ENTREP2: variants seen among roughly 807,000 people sequenced by gnomAD.
ENTREP2 encodes the protein protein ENTREP2.
At chr15:29,122,681 C>T in the ENTREP2 span, 28,397 of 152,184 alleles carry the variant, frequency 0.19, 4,391 homozygotes, top group African/African-American at 0.4. Flanking sequence ...TCCTCCAACC[C>T]CCGCAACACC....
the ENTREP2 span, among the ~76,000 whole-genome samples, chr15:29,418,767 A>T: frequency 6.6e-6 from 1 of 152,294 alleles, no homozygotes; most frequent in South Asian, 2.1e-4. Context: ...TAAACTCTGA[A>T]GCTTCTTTTA....
chr15:29,403,470 T>C, the ENTREP2 span, among the ~76,000 whole-genome samples: 2 of 152,198 alleles, frequency 1.3e-5, no homozygotes, highest in Non-Finnish European at 2.9e-5. Flanking sequence ...AGAACATTAA[T>C]TCCATTAAAA....
At chr15:29,338,481 C>T in the ENTREP2 span, among the ~76,000 whole-genome samples, 42 of 151,882 alleles carry the variant, frequency 2.8e-4, no homozygotes, top group Non-Finnish European at 4.3e-4. Context: ...CAGATGGCCA[C>T]GTGGAGAGGT....
the ENTREP2 span, among the ~76,000 whole-genome samples, chr15:29,451,721 C>G: frequency 6.6e-6 from 1 of 152,272 alleles, no homozygotes; most frequent in Admixed American, 6.5e-5. Flanking sequence ...AGGGCTCCCT[C>G]GAGGGGCCAC....
At chr15:29,417,882 A>G in the ENTREP2 span, among the ~76,000 whole-genome samples, 1 of 152,168 alleles carries the variant, frequency 6.6e-6, no homozygotes, top group Non-Finnish European at 1.5e-5. Flanking sequence ...AAAACTCTAC[A>G]GTTCTGTTTT....
the ENTREP2 span, among the ~76,000 whole-genome samples, chr15:29,574,600 T>C: frequency 6.6e-6 from 1 of 152,170 alleles, no homozygotes; most frequent in Non-Finnish European, 1.5e-5. Flanking sequence ...GCCAAGACCA[T>C]TGTTCTTAAG....
chr15:29,240,053 A>C, the ENTREP2 span, among the ~76,000 whole-genome samples: 1 of 152,198 alleles, frequency 6.6e-6, no homozygotes, highest in Non-Finnish European at 1.5e-5. Context: ...AAGCTCCCCA[A>C]AAAGCATGTG....
At chr15:29,163,912 G>C in the ENTREP2 span, among the ~76,000 whole-genome samples, 2 of 152,190 alleles carry the variant, frequency 1.3e-5, no homozygotes, top group Admixed American at 6.5e-5. Flanking sequence ...AGAGCTGTGA[G>C]ACAGAAGCAC....
chr15:29,343,520 C>T, the ENTREP2 span, among the ~76,000 whole-genome samples: 1 of 152,060 alleles, frequency 6.6e-6, no homozygotes, highest in Non-Finnish European at 1.5e-5. Context: ...AGATTTCAGG[C>T]CTGCCAGCCC....
chr15:29,277,117 G>T, the ENTREP2 span, among the ~76,000 whole-genome samples: 1 of 152,166 alleles, frequency 6.6e-6, no homozygotes, highest in Non-Finnish European at 1.5e-5. Context: ...GCCGGGGCAG[G>T]CAGATCACTT....
At chr15:29,651,870 T>C in the ENTREP2 span, among the ~76,000 whole-genome samples, 2 of 152,164 alleles carry the variant, frequency 1.3e-5, no homozygotes, top group Non-Finnish European at 2.9e-5. Flanking sequence ...CTGGGCACCA[T>C]GGACAGCAGC....
chr15:29,328,044 T>C, the ENTREP2 span, among the ~76,000 whole-genome samples: 1 of 152,218 alleles, frequency 6.6e-6, no homozygotes, highest in South Asian at 2.1e-4. Context: ...GTATCTTAAA[T>C]AGGTGAATGG....
At chr15:29,428,061 G>A in the ENTREP2 span, among the ~76,000 whole-genome samples, 570 of 152,262 alleles carry the variant, frequency 3.7e-3, 6 homozygotes, top group African/African-American at 0.013. Flanking sequence ...GACCTACCCA[G>A]AATTCATTTT....
the ENTREP2 span, among the ~76,000 whole-genome samples, chr15:29,135,729 C>T: frequency 6.6e-6 from 1 of 152,212 alleles, no homozygotes; most frequent in Admixed American, 6.5e-5. The surrounding 1 kb of genome is among the most constrained non-coding windows in gnomAD (Gnocchi z 7.4). Flanking sequence ...CACCATGAGG[C>T]TGCAGGAGTG....
At chr15:29,455,768 C>T in the ENTREP2 span, among the ~76,000 whole-genome samples, 1 of 152,162 alleles carries the variant, frequency 6.6e-6, no homozygotes, top group South Asian at 2.1e-4. Flanking sequence ...TACAGCTGCT[C>T]CCCACTGCTT....
the ENTREP2 span, among the ~76,000 whole-genome samples, chr15:29,197,104 C>T: frequency 6.6e-6 from 1 of 152,100 alleles, no homozygotes; most frequent in Non-Finnish European, 1.5e-5. Context: ...TTGACAATGG[C>T]AACAAGTTGT....
chr15:29,383,277 G>T, the ENTREP2 span, among the ~76,000 whole-genome samples: 1 of 152,088 alleles, frequency 6.6e-6, no homozygotes, highest in Non-Finnish European at 1.5e-5. Flanking sequence ...GTCCAAAAAT[G>T]CAGCTGCAGC....
chr15:29,546,098 C>T, the ENTREP2 span, among the ~76,000 whole-genome samples: 1 of 152,184 alleles, frequency 6.6e-6, no homozygotes, highest in Admixed American at 6.5e-5. Context: ...AACAATGAAA[C>T]TTAGGAGACT....
chr15:29,427,461 A>G, the ENTREP2 span, among the ~76,000 whole-genome samples: 2 of 152,192 alleles, frequency 1.3e-5, no homozygotes, highest in African/African-American at 2.4e-5. Context: ...TTTGAGGTCA[A>G]AAGTCCAAAA....
Sources: allele counts gnomAD v4.1 joint callset (sites outside exome capture counted in the v4.1 genomes callset), GRCh38; gene constraint gnomAD v4.1.1; non-coding constraint Gnocchi (gnomAD v3.1); transcripts MANE v1.5; gene names NCBI Gene and HGNC (gene_info 2026-07-23, HGNC 2026-07-21).